The following TULP2 variants were observed in gnomAD, a reference collection of about 807,000 sequenced individuals.
The protein encoded by TULP2 is TUB like protein 2.
Under a neutral mutation model 60.3 loss-of-function variants are expected in TULP2, and 64 were observed. That is an observed-to-expected ratio of 1.06 (90% CI 0.87 to 1.31). TULP2 has a LOEUF of 1.31. Ranked by LOEUF, TULP2 falls within the 50% of genes most tolerant of loss-of-function variation. The pLI, the probability that TULP2 is intolerant of heterozygous loss-of-function variation, is 0.00. For synonymous variants in TULP2, 267 were observed against 265.4 expected, an observed-to-expected ratio of 1.01 and a Z score of -0.06; for missense variants, 652 against 667.0, an observed-to-expected ratio of 0.98 and a Z score of 0.25.
In TULP2 at chr19:48,887,311, C is replaced by CTTTTTTTTTTTTTTT. The variant is rs58640342; in HGVS notation, c.948+624_948+638dup. ...CAAGTGTGAGCCACCGCGCCCAGCC[C>CTTTTTTTTTTTTTTT]TTTTTTTTTTTTTTTTTTTTTTTTT... On this transcript the variant is annotated intron_variant, in intron 8 of 12. Coordinates refer to ENST00000221399, the MANE Select transcript of TULP2 (RefSeq NM_003323.3). Among the ~76,000 whole-genome samples, 66 of 39,374 alleles carry CTTTTTTTTTTTTTTT rather than the reference C, an allele frequency of 1.7e-3. 14 individuals carry two copies. Among genetic ancestry groups the CTTTTTTTTTTTTTTT allele is most frequent in the Non-Finnish European group, 2.6e-3 (50 of 19,330 alleles). The allele number at this position is 39,374 out of a possible 152,430, so 25.8% of individuals were successfully genotyped here.
intron 8 of TULP2, among the ~76,000 whole-genome samples, chr19:48,887,011 C>A (rs1461156187): frequency 7.1e-6 from 1 of 141,426 alleles, no homozygotes; most frequent in Non-Finnish European, 1.5e-5. Flanking sequence ...CCGTGCCCGG[C>A]CTTTTTTTTT....
intron 8 of TULP2, 109 bp downstream of exon 8, chr19:48,887,841 A>T: frequency 8.2e-7 from 1 of 1,215,606 alleles, no homozygotes; most frequent in Non-Finnish European, 1.2e-6. Context: ...TATAGGCGTG[A>T]GCCACTGTGC....
intron 12 of TULP2, among the ~76,000 whole-genome samples, chr19:48,881,357 G>GT: frequency 1.4e-5 from 2 of 146,260 alleles, no homozygotes; most frequent in South Asian, 4.4e-4. Context: ...TTACAGGCAT[G>GT]TGCCACCACG....
intron 6 of TULP2, among the ~76,000 whole-genome samples, chr19:48,894,370 T>C (rs1470779318): frequency 6.6e-6 from 1 of 151,990 alleles, no homozygotes; most frequent in Non-Finnish European, 1.5e-5. Flanking sequence ...GGGCCAGGCA[T>C]GATGGTTTAT....
intron 3 of TULP2, chr19:48,896,806 C>T (rs1287554766): frequency 4.8e-6 from 2 of 415,500 alleles, no homozygotes; most frequent in Admixed American, 4.2e-5. Flanking sequence ...TTCTAGAAGC[C>T]TTGTTCCTTA....
intron 8 of TULP2, 122 bp from the exon 9 acceptor site, chr19:48,885,682 G>A (rs1416400203): frequency 1.6e-5 from 12 of 751,390 alleles, no homozygotes; most frequent in East Asian, 8.8e-5. Flanking sequence ...ACAGGAGTTC[G>A]AGACCAGCCT....
At chr19:48,890,534 T>A (rs932726731) in intron 6 of TULP2, among the ~76,000 whole-genome samples, 16 of 152,236 alleles carry the variant, frequency 1.1e-4, no homozygotes, top group Non-Finnish European at 1.6e-4. Flanking sequence ...TGTGTCTTTT[T>A]CTTTTCCAAG....
At chr19:48,892,418 T>C (rs1241803392) in intron 6 of TULP2, among the ~76,000 whole-genome samples, 1 of 152,184 alleles carries the variant, frequency 6.6e-6, no homozygotes, top group African/African-American at 2.4e-5. Flanking sequence ...CCCTTAAAAC[T>C]TGAGTCAATA....
At chr19:48,894,882 G>T in intron 6 of TULP2, 116 bp downstream of exon 6, 1 of 1,332,010 alleles carries the variant, frequency 7.5e-7, no homozygotes. Context: ...AACTTTAAAT[G>T]GGTGACTTGT....
intron 3 of TULP2, chr19:48,896,810 TTCC>T (rs1214021109): frequency 5.0e-6 from 2 of 401,622 alleles, no homozygotes; most frequent in Non-Finnish European, 8.8e-6. Flanking sequence ...AGAAGCCTTG[TTCC>T]TTAGAAATTC....
intron 4 of TULP2, among the ~76,000 whole-genome samples, 164 bp from the exon 5 acceptor site, chr19:48,895,667 G>A (rs567641090): frequency 6.6e-6 from 1 of 152,256 alleles, no homozygotes; most frequent in African/African-American, 2.4e-5. Flanking sequence ...ATCACCTGAG[G>A]TCGGGAGTTC....
Position 48,897,275 on chromosome 19 carries a change from T to C in TULP2, c.84+70A>G, listed in dbSNP as rs2122146184. 6.5e-7 allele frequency: 1 copy of C among 1,545,256 alleles called. No individual in the cohort carries two copies. The highest frequency in any genetic ancestry group is 1.1e-5 in the South Asian group (1 of 87,356). On this transcript the variant is annotated intron_variant, in intron 3 of 12. Transcript: ENST00000221399. This position sits in a 1 kb window ranked among gnomAD's most constrained non-coding sequence, Gnocchi z 4.0. The stretch of plus-strand genomic sequence containing the variant: ...GGGCTGGGAGTCCTAGAGCAAGACC[T>C]GGTGGAGAGGCCCCTGGGGAGGCAC...
At chr19:48,881,365 A>C (rs1204143698) in intron 12 of TULP2, among the ~76,000 whole-genome samples, 14 of 139,196 alleles carry the variant, frequency 1.0e-4, no homozygotes, top group Non-Finnish European at 1.5e-4. Flanking sequence ...ATGTGCCACC[A>C]CGTCCGGCTA....
At position 48,897,778 on chromosome 19, in the gene TULP2, G is replaced by C. The variant is rs375702336; in HGVS notation, c.32+59C>G. On this transcript the variant is annotated intron_variant, in intron 2 of 12. Coordinates refer to ENST00000221399, the MANE Select transcript of TULP2 (RefSeq NM_003323.3). The surrounding 1 kb of genome is among the most constrained non-coding windows in gnomAD (Gnocchi z 4.0). ...AACATGGTTATGAAGCCAGAGCCGA[G>C]TGCACGGGGTCCCCAGCCCTTTCCA... 1 of 1,575,798 alleles carries C rather than the reference G, an allele frequency of 6.3e-7. No homozygotes were observed. The highest frequency in any genetic ancestry group is 1.4e-5 in the African/African-American group (1 of 73,950).
intron 6 of TULP2, among the ~76,000 whole-genome samples, chr19:48,892,519 G>T (rs149252614): frequency 3.3e-5 from 5 of 150,588 alleles, no homozygotes; most frequent in African/African-American, 7.3e-5. Context: ...TTTTTTTGGG[G>T]GGGGGACGGA....
At chr19:48,892,132 C>T (rs1012321644) in intron 6 of TULP2, among the ~76,000 whole-genome samples, 1 of 152,198 alleles carries the variant, frequency 6.6e-6, no homozygotes, top group African/African-American at 2.4e-5. Context: ...CGCATGGAGG[C>T]CTTTCTCTCT....
At chr19:48,886,293 C>T (rs945050498) in intron 8 of TULP2, among the ~76,000 whole-genome samples, 1 of 144,430 alleles carries the variant, frequency 6.9e-6, no homozygotes, top group East Asian at 2.0e-4. Context: ...AGCAAGACTA[C>T]GTCTCAAAAA....
At position 48,895,376 on chromosome 19, in the gene TULP2, C is replaced by T. The variant is rs767329723; in HGVS notation, c.339G>A (p.Arg113=). ...GRGERGLPTP[R]TEAVFRNLGL... is the part of the protein sequence containing the mutation. ...TGGACTCGCAAATACCTGCTTCTGT[C>T]CGCGGTGTCGGGAGGCCGCGCTCGC... Residue 113 remains arginine (R), a synonymous_variant, in exon 5 of 13, where the codon CGG becomes CGA. Transcript: ENST00000221399. 20 of 1,613,590 alleles carry T rather than the reference C, an allele frequency of 1.2e-5. No homozygotes were observed. The highest frequency in any genetic ancestry group is 1.5e-5 in the Non-Finnish European group (18 of 1,179,820).
At chr19:48,885,345 G>A in intron 9 of TULP2, 103 bp downstream of exon 9, 2 of 898,120 alleles carry the variant, frequency 2.2e-6, no homozygotes, top group Non-Finnish European at 3.5e-6. Context: ...TCTGGTCCCT[G>A]AGCAGGTGGA....
Sources: gnomAD v4.1 joint callset for allele counts (sites outside exome capture counted in the v4.1 genomes callset) on GRCh38, gnomAD v4.1.1 for gene constraint, Gnocchi (gnomAD v3.1) non-coding constraint, MANE v1.5 for transcripts, NCBI Gene and HGNC (gene_info 2026-07-23, HGNC 2026-07-21) for gene names.